Variants in FRMD3 observed in about 807,000 individuals in gnomAD.
FRMD3 encodes FERM domain containing 3.
Under a neutral mutation model 70.2 loss-of-function variants are expected in FRMD3, and 33 were observed. The observed-to-expected ratio is 0.47, with a 90% confidence interval of 0.36 to 0.63. The LOEUF is 0.63. Ranked by LOEUF, FRMD3 falls within the 20% of genes least tolerant of loss-of-function variation. FRMD3 has a pLI of 0.00. For synonymous variants in FRMD3, 279 were observed against 255.9 expected (o/e 1.09, Z -0.86); for missense variants, 632 against 711.4 (o/e 0.89, Z 1.27).
chr9:83,284,457 A>G (rs1253405214), intron 13 of FRMD3, among the ~76,000 whole-genome samples: 1 of 152,088 alleles, frequency 6.6e-6, no homozygotes, highest in Non-Finnish European at 1.5e-5. Flanking sequence ...AAAATACAAA[A>G]ATTAGCTGGG....
At chr9:83,580,079 A>G in the FRMD3 span, among the ~76,000 whole-genome samples, 1 of 152,172 alleles carries the variant, frequency 6.6e-6, no homozygotes, top group Non-Finnish European at 1.5e-5. Flanking sequence ...AACCATAATG[A>G]GATATCATGC....
At chr9:83,441,833 C>T (rs1427254239) in intron 1 of FRMD3, among the ~76,000 whole-genome samples, 1 of 151,776 alleles carries the variant, frequency 6.6e-6, no homozygotes, top group Non-Finnish European at 1.5e-5. Context: ...CCTTTACATA[C>T]AAACAGAGAA....
At chr9:83,284,277 C>T (rs1834102063) in intron 13 of FRMD3, among the ~76,000 whole-genome samples, 2 of 152,038 alleles carry the variant, frequency 1.3e-5, no homozygotes, top group Non-Finnish European at 2.9e-5. Context: ...TAAACAGCTT[C>T]TGCTGTTTCA....
chr9:83,537,222 A>T lies in FRMD3; in HGVS notation c.147+863T>A, dbSNP rs77579254. On this transcript the variant is annotated intron_variant, in intron 1 of 13. Transcript: ENST00000304195. The surrounding 1 kb of genome is among the most constrained non-coding windows in gnomAD (Gnocchi z 4.1). The stretch of plus-strand genomic sequence containing the variant: ...TGCACCTCACACTAGCTCTCCTGAC[A>T]GCCCAGAGGCACTTACTACCCGAGG... Among the ~76,000 whole-genome samples, 715 of 152,256 alleles carry T rather than the reference A, an allele frequency of 4.7e-3. 11 individuals are homozygous for T. Among genetic ancestry groups the T allele is most frequent in the African/African-American group, 0.017 (690 of 41,552 alleles).
At chr9:83,490,078 C>T (rs1325419966) in intron 1 of FRMD3, among the ~76,000 whole-genome samples, 1 of 152,128 alleles carries the variant, frequency 6.6e-6, no homozygotes, top group Non-Finnish European at 1.5e-5. Flanking sequence ...TATCACCTTG[C>T]TTTTTATCTG....
At chr9:83,456,701 C>T (rs927170883) in intron 1 of FRMD3, among the ~76,000 whole-genome samples, 8 of 152,058 alleles carry the variant, frequency 5.3e-5, no homozygotes, top group African/African-American at 9.7e-5. Context: ...CAATACAGGC[C>T]GGGCACAGTG....
chr9:83,264,445 G>A (rs1354190489), intron 13 of FRMD3, among the ~76,000 whole-genome samples: 1 of 152,126 alleles, frequency 6.6e-6, no homozygotes, highest in Non-Finnish European at 1.5e-5. Context: ...GAACCCTAAC[G>A]CAAACGATCA....
chr9:83,504,462 C>T (rs1829139130), intron 1 of FRMD3, among the ~76,000 whole-genome samples: 1 of 152,166 alleles, frequency 6.6e-6, no homozygotes, highest in Non-Finnish European at 1.5e-5. Flanking sequence ...TTGTCTGCCA[C>T]CCCCTCTCTT....
At chr9:83,255,475 C>A (rs1832662519) in intron 13 of FRMD3, among the ~76,000 whole-genome samples, 1 of 148,560 alleles carries the variant, frequency 6.7e-6, no homozygotes, top group Non-Finnish European at 1.5e-5. Flanking sequence ...CAGCACAAGA[C>A]AAGGATGCCC....
At chr9:83,272,751 C>A (rs1833623865) in intron 13 of FRMD3, among the ~76,000 whole-genome samples, 2 of 151,422 alleles carry the variant, frequency 1.3e-5, no homozygotes, top group Admixed American at 6.6e-5. Flanking sequence ...CTCTGCCCGG[C>A]CGCCCATCAT....
chr9:83,295,876 T>C (rs1834641795), intron 12 of FRMD3, among the ~76,000 whole-genome samples: 1 of 152,208 alleles, frequency 6.6e-6, no homozygotes, highest in African/African-American at 2.4e-5. Flanking sequence ...TCATCAATGA[T>C]GATCAGCATG....
chr9:83,577,598 T>G, the FRMD3 span, among the ~76,000 whole-genome samples: 1 of 151,944 alleles, frequency 6.6e-6, no homozygotes, highest in East Asian at 1.9e-4. Flanking sequence ...ACTATAAAAC[T>G]CTTCGGAGAA....
At chr9:83,491,934 G>A (rs1828835658) in intron 1 of FRMD3, among the ~76,000 whole-genome samples, 1 of 152,182 alleles carries the variant, frequency 6.6e-6, no homozygotes, top group South Asian at 2.1e-4. Context: ...GTCCACAGGG[G>A]GCTGTTGATG....
At chr9:83,381,313 C>T (rs971313306) in intron 2 of FRMD3, among the ~76,000 whole-genome samples, 9 of 152,092 alleles carry the variant, frequency 5.9e-5, no homozygotes, top group African/African-American at 2.2e-4. Flanking sequence ...CCAGCACTTT[C>T]GGAGGCCAAG....
intron 1 of FRMD3, among the ~76,000 whole-genome samples, chr9:83,485,699 A>C (rs1264548364): frequency 6.6e-6 from 1 of 152,210 alleles, no homozygotes; most frequent in Non-Finnish European, 1.5e-5. Context: ...AGAAGGGCAA[A>C]GAAGGAACAG....
At chr9:83,373,191 A>G (rs1215591948) in intron 2 of FRMD3, among the ~76,000 whole-genome samples, 5 of 152,208 alleles carry the variant, frequency 3.3e-5, no homozygotes, top group Non-Finnish European at 7.3e-5. Context: ...AGTTGCTAGG[A>G]GAGAAGGACA....
the FRMD3 span, among the ~76,000 whole-genome samples, chr9:83,584,022 G>C: frequency 6.6e-6 from 1 of 152,006 alleles, no homozygotes; most frequent in African/African-American, 2.4e-5. Flanking sequence ...CAAGTGTTTG[G>C]CTCCACAGGC....
At chr9:83,501,216 C>T (rs1309477381) in intron 1 of FRMD3, among the ~76,000 whole-genome samples, 2 of 152,096 alleles carry the variant, frequency 1.3e-5, no homozygotes, top group South Asian at 4.1e-4. Context: ...ATGGCATGAA[C>T]CCGGGAGGCG....
chr9:83,583,259 T>C, the FRMD3 span, among the ~76,000 whole-genome samples: 2,519 of 152,304 alleles, frequency 0.017, 28 homozygotes, highest in Middle Eastern at 0.044. Flanking sequence ...ACATTTCATT[T>C]TGGAAAACTT....
Sources: gnomAD v4.1 joint callset for allele counts (sites outside exome capture counted in the v4.1 genomes callset) on GRCh38, gnomAD v4.1.1 for gene constraint, Gnocchi (gnomAD v3.1) non-coding constraint, MANE v1.5 for transcripts, NCBI Gene and HGNC (gene_info 2026-07-23, HGNC 2026-07-21) for gene names.